The following TMEM131 variants were observed in gnomAD, a reference collection of about 807,000 sequenced individuals.
TMEM131 encodes the protein transmembrane protein 131.
Under a neutral mutation model 211.6 loss-of-function variants are expected in TMEM131, and 66 were observed. The ratio of observed to expected loss-of-function variants is 0.31; its 90% CI spans 0.26 to 0.38. The LOEUF (loss-of-function observed/expected upper bound fraction) is 0.38, where lower values mean the gene tolerates loss of function less well. Ranked by LOEUF, TMEM131 falls within the 10% of genes least tolerant of loss-of-function variation. The probability of loss-of-function intolerance (pLI) is 1.00; values close to 1 mark genes in which losing one functional copy is unlikely to be tolerated. For missense variants in TMEM131, 2,036 were observed against 2,299.3 expected, an observed-to-expected ratio of 0.89 and a Z score of 2.34; for synonymous variants, 844 against 841.3, an observed-to-expected ratio of 1.00 and a Z score of -0.06.
intron 11 of TMEM131, among the ~76,000 whole-genome samples, chr2:97,821,859 A>G (rs1013856567): frequency 2.6e-5 from 4 of 152,126 alleles, no homozygotes; most frequent in Admixed American, 2.6e-4. Context: ...CAGAGTTGGG[A>G]GCATTGGTTT....
intron 5 of TMEM131, among the ~76,000 whole-genome samples, chr2:97,850,080 T>C (rs555099453): frequency 8.6e-5 from 13 of 151,738 alleles, no homozygotes; most frequent in Non-Finnish European, 1.3e-4. Context: ...CTGAGAGACA[T>C]AGAGAGGACT....
intron 11 of TMEM131, among the ~76,000 whole-genome samples, chr2:97,823,395 T>C (rs184871915): frequency 9.8e-4 from 150 of 152,304 alleles, no homozygotes; most frequent in African/African-American, 3.4e-3. Flanking sequence ...CTGATAGGTA[T>C]ACAGATGTCC....
chr2:97,786,655 C>A (rs182622859), intron 31 of TMEM131, among the ~76,000 whole-genome samples: 1 of 152,308 alleles, frequency 6.6e-6, no homozygotes, highest in East Asian at 1.9e-4. Flanking sequence ...TAGAGAACCA[C>A]CCACTAGCTA....
chr2:97,793,413 C>T lies in TMEM131; in HGVS notation c.3527G>A (p.Gly1176Asp), dbSNP rs1680596485. The change falls in exon 30 of 41, where the codon GGT (glycine) becomes GAT (aspartate). Residue 1176 changes from glycine (G) to aspartate (D), a missense_variant. Physicochemically the swap from Gly to Asp is moderately conservative, Grantham distance 94. Coordinates refer to ENST00000186436, the MANE Select transcript of TMEM131 (RefSeq NM_015348.2). ...GRPFDLRRIV[G>D]ISSEGNLNTL... ...AACATACTTTCCTTCAGATGAAATACCAACGATTCTCCTGAGATCAAATGG... is the reference window on the plus strand; with the variant it reads ...AACATACTTTCCTTCAGATGAAATATCAACGATTCTCCTGAGATCAAATGG... 1.9e-6 allele frequency: 3 copies of T among 1,613,372 alleles called. No homozygotes were observed. The highest frequency in any genetic ancestry group is 1.7e-6 in the Non-Finnish European group (2 of 1,179,514).
At chr2:97,784,307 A>G (rs1680150230) in intron 31 of TMEM131, among the ~76,000 whole-genome samples, 1 of 152,124 alleles carries the variant, frequency 6.6e-6, no homozygotes, top group Admixed American at 6.5e-5. Context: ...GCCAAGACAG[A>G]CCATATACTG....
intron 13 of TMEM131, among the ~76,000 whole-genome samples, chr2:97,814,768 C>T (rs1171168693): frequency 6.6e-6 from 1 of 152,054 alleles, no homozygotes; most frequent in Non-Finnish European, 1.5e-5. Context: ...AGAAAATGAA[C>T]ATGTCACTTC....
chr2:97,859,129 G>A (rs1239489182), intron 5 of TMEM131, among the ~76,000 whole-genome samples, 175 bp downstream of exon 5: 1 of 152,180 alleles, frequency 6.6e-6, no homozygotes, highest in Non-Finnish European at 1.5e-5. Flanking sequence ...GTTGCATGTT[G>A]AGAAAAACAA....
chr2:97,897,723 T>C (rs1286539756), intron 3 of TMEM131, among the ~76,000 whole-genome samples: 1 of 152,116 alleles, frequency 6.6e-6, no homozygotes, highest in Non-Finnish European at 1.5e-5. Context: ...CCTGCAATAA[T>C]CACCTCATAA....
At chr2:97,965,987 A>C (rs1168424535) in intron 1 of TMEM131, among the ~76,000 whole-genome samples, 1 of 152,118 alleles carries the variant, frequency 6.6e-6, no homozygotes, top group African/African-American at 2.4e-5. Flanking sequence ...GTAAAAGAGA[A>C]AGTAAGCAAA....
intron 1 of TMEM131, among the ~76,000 whole-genome samples, chr2:97,984,720 T>A: frequency 6.6e-6 from 1 of 150,396 alleles, no homozygotes; most frequent in East Asian, 1.9e-4. Context: ...TATAATGATA[T>A]ATTACTATAA....
chr2:97,975,549 TATTA>T (rs1331287163), intron 1 of TMEM131, among the ~76,000 whole-genome samples: 1 of 152,152 alleles, frequency 6.6e-6, no homozygotes, highest in East Asian at 1.9e-4. Context: ...CTTTGAAAGA[TATTA>T]ATTACCAAAG....
At chr2:97,799,734 C>T (rs535439123) in intron 25 of TMEM131, among the ~76,000 whole-genome samples, 3 of 152,164 alleles carry the variant, frequency 2.0e-5, no homozygotes, top group South Asian at 2.1e-4. Context: ...TGCATGTCTC[C>T]GTGAACCAGT....
At chr2:97,993,999 G>A (rs180747038) in intron 1 of TMEM131, among the ~76,000 whole-genome samples, 1 of 152,208 alleles carries the variant, frequency 6.6e-6, no homozygotes, top group African/African-American at 2.4e-5. Context: ...CAAAGGCTAA[G>A]CGCCAGTGTG....
At chr2:97,987,755 T>A (rs1175800569) in intron 1 of TMEM131, among the ~76,000 whole-genome samples, 1 of 152,152 alleles carries the variant, frequency 6.6e-6, no homozygotes, top group Non-Finnish European at 1.5e-5. Context: ...TACTTAGGAA[T>A]AAACCTAACC....
intron 5 of TMEM131, among the ~76,000 whole-genome samples, chr2:97,850,793 T>C (rs913337533): frequency 6.6e-6 from 1 of 152,158 alleles, no homozygotes; most frequent in African/African-American, 2.4e-5. Flanking sequence ...CTAGTGTCAA[T>C]GAAGAGATTC....
intron 4 of TMEM131, among the ~76,000 whole-genome samples, chr2:97,877,485 A>G (rs1674746776): frequency 6.6e-6 from 1 of 152,236 alleles, no homozygotes; most frequent in South Asian, 2.1e-4. Context: ...CGAAAACAGT[A>G]TGGTACTGGT....
At chr2:97,768,556 G>C (rs1679304638) in intron 33 of TMEM131, among the ~76,000 whole-genome samples, 1 of 152,100 alleles carries the variant, frequency 6.6e-6, no homozygotes, top group African/African-American at 2.4e-5. Context: ...CTTTTTTAAG[G>C]CTTCTGAATA....
intron 1 of TMEM131, among the ~76,000 whole-genome samples, chr2:97,956,763 TA>T (rs1271727242): frequency 6.6e-6 from 1 of 152,146 alleles, no homozygotes; most frequent in African/African-American, 2.4e-5. Flanking sequence ...TAGTCTTTAA[TA>T]GTTTATTCTC....
At chr2:97,955,471 T>G (rs1678525109) in intron 1 of TMEM131, among the ~76,000 whole-genome samples, 1 of 152,042 alleles carries the variant, frequency 6.6e-6, no homozygotes, top group Non-Finnish European at 1.5e-5. Context: ...GAAAATAAAA[T>G]GCATACAGAT....
Sources: gnomAD v4.1 joint callset for allele counts (sites outside exome capture counted in the v4.1 genomes callset) on GRCh38, gnomAD v4.1.1 for gene constraint, MANE v1.5 for transcripts, NCBI Gene and HGNC (gene_info 2026-07-23, HGNC 2026-07-21) for gene names.